L3MBTL4: variants seen among roughly 807,000 people sequenced by gnomAD.
The protein encoded by L3MBTL4 is lethal(3)malignant brain tumor-like protein 4.
Under a neutral mutation model 84.5 loss-of-function variants are expected in L3MBTL4, and 70 were observed. The observed-to-expected ratio is 0.83, with a 90% CI of 0.68 to 1.01. L3MBTL4 has a LOEUF of 1.01. Among genes scored for constraint, L3MBTL4 ranks in the 50% least tolerant of loss-of-function variants. L3MBTL4 has a pLI of 0.00. For synonymous variants in L3MBTL4, 274 were observed against 259.8 expected, an observed-to-expected ratio of 1.05 and a Z score of -0.52; for missense variants, 715 against 754.8, an observed-to-expected ratio of 0.95 and a Z score of 0.62.
chr18:6,330,237 A>C (rs1360136082), intron 1 of L3MBTL4, among the ~76,000 whole-genome samples: 3 of 152,236 alleles, frequency 2.0e-5, no homozygotes, highest in Non-Finnish European at 4.4e-5. Flanking sequence ...TTGCTGCTGT[A>C]ACAATTTACC....
intron 1 of L3MBTL4, among the ~76,000 whole-genome samples, chr18:6,332,372 A>T (rs1316111736): frequency 2.0e-5 from 3 of 152,238 alleles, no homozygotes; most frequent in Admixed American, 6.5e-5. Context: ...CGGTTTAGCC[A>T]GCCCAACATC....
chr18:6,306,360 A>G (rs2050585039), intron 3 of L3MBTL4, among the ~76,000 whole-genome samples: 1 of 152,212 alleles, frequency 6.6e-6, no homozygotes, highest in Admixed American at 6.5e-5. Context: ...ACAGTCTCCA[A>G]ATGAAATCTC....
chr18:6,172,286 C>T (rs1228416079), intron 12 of L3MBTL4, among the ~76,000 whole-genome samples: 1 of 152,138 alleles, frequency 6.6e-6, no homozygotes, highest in South Asian at 2.1e-4. Flanking sequence ...GTCCTATTAA[C>T]CACTTCAAGA....
chr18:6,364,585 CATTT>C (rs2053850614), intron 1 of L3MBTL4, among the ~76,000 whole-genome samples: 4 of 152,028 alleles, frequency 2.6e-5, no homozygotes, highest in African/African-American at 9.7e-5. Flanking sequence ...TCTTTTTACA[CATTT>C]TTTCATCATT....
intron 4 of L3MBTL4, among the ~76,000 whole-genome samples, chr18:6,289,381 C>T (rs2049741949): frequency 6.6e-6 from 1 of 152,144 alleles, no homozygotes; most frequent in Admixed American, 6.5e-5. Flanking sequence ...TAAAAAATTA[C>T]AACAGGTTTT....
intron 16 of L3MBTL4, among the ~76,000 whole-genome samples, chr18:6,020,685 TTCTAATTGGTTATAGG>T (rs1476007231): frequency 6.6e-6 from 1 of 152,134 alleles, no homozygotes; most frequent in Non-Finnish European, 1.5e-5. Context: ...TAGGTTTGGT[TTCTAATTGGTTATAGG>T]TGATTTGTGA....
chr18:6,235,734 A>G (rs1446319001), intron 10 of L3MBTL4, among the ~76,000 whole-genome samples: 1 of 152,212 alleles, frequency 6.6e-6, no homozygotes, highest in Non-Finnish European at 1.5e-5. Flanking sequence ...TACAGGGAAT[A>G]AAAAAGTTTT....
chr18:6,054,950 A>G (rs917970861), intron 16 of L3MBTL4, among the ~76,000 whole-genome samples: 20 of 152,210 alleles, frequency 1.3e-4, no homozygotes, highest in African/African-American at 4.6e-4. Context: ...ATTCCACATG[A>G]ATCCACTGGA....
intron 14 of L3MBTL4, among the ~76,000 whole-genome samples, chr18:6,119,724 T>C (rs1002114407): frequency 6.6e-6 from 1 of 152,190 alleles, no homozygotes; most frequent in Admixed American, 6.5e-5. Context: ...CAGGTTTAAT[T>C]CAAGGTAAAA....
chr18:6,317,236 C>CT (rs1186192076), intron 1 of L3MBTL4, among the ~76,000 whole-genome samples: 1 of 151,896 alleles, frequency 6.6e-6, no homozygotes, highest in Non-Finnish European at 1.5e-5. Flanking sequence ...CTATAATAAA[C>CT]TATAAACATG....
chr18:6,370,896 AAC>A (rs1171197051), intron 1 of L3MBTL4, among the ~76,000 whole-genome samples: 2 of 152,188 alleles, frequency 1.3e-5, no homozygotes, highest in Non-Finnish European at 2.9e-5. Context: ...ACATTTCACC[AAC>A]CAGCGCTTAT....
At chr18:5,986,567 A>T (rs2053473598) in intron 16 of L3MBTL4, among the ~76,000 whole-genome samples, 1 of 152,158 alleles carries the variant, frequency 6.6e-6, no homozygotes, top group East Asian at 1.9e-4. Context: ...TCTTTTCTTA[A>T]ACTTTAAAAT....
chr18:6,388,805 C>A (rs2054928030), intron 1 of L3MBTL4, among the ~76,000 whole-genome samples: 1 of 152,158 alleles, frequency 6.6e-6, no homozygotes. Context: ...TGTTGAGACA[C>A]CCTGGGTCCT....
chr18:6,021,689 A>G (rs2055273726), intron 16 of L3MBTL4, among the ~76,000 whole-genome samples: 1 of 152,104 alleles, frequency 6.6e-6, no homozygotes, highest in Non-Finnish European at 1.5e-5. Context: ...CTTCTTCAAT[A>G]TAGACAAACG....
intron 16 of L3MBTL4, among the ~76,000 whole-genome samples, chr18:5,980,153 G>T (rs1341430586): frequency 6.6e-6 from 1 of 152,234 alleles, no homozygotes. Flanking sequence ...AGAAAAGTCA[G>T]TCTGCGTTGT....
chr18:6,216,692 C>T (rs1025386671), intron 10 of L3MBTL4, among the ~76,000 whole-genome samples: 8 of 152,134 alleles, frequency 5.3e-5, no homozygotes, highest in Admixed American at 5.2e-4. Context: ...CAGCTGGACA[C>T]ATTTTTTAAA....
rs369521597 is a variant in L3MBTL4, at chr18:6,306,239, G to C, written c.73-4282C>G. Among the ~76,000 whole-genome samples the C allele has an allele frequency of 3.3e-5, 5 of 152,162 alleles. No homozygotes were observed. In the East Asian group the frequency reaches 5.8e-4, roughly 18 times the overall value. The stretch of plus-strand genomic sequence containing the variant: ...GAAGATAAATAGAATTTGCCTATTG[G>C]ATAAAAGTAAAGAAATTTGTGGGAC... On this transcript the variant is annotated intron_variant, in intron 3 of 18. Coordinates refer to ENST00000317931, the MANE Select transcript of L3MBTL4 (RefSeq NM_001330559.2).
intron 1 of L3MBTL4, among the ~76,000 whole-genome samples, chr18:6,389,602 G>A (rs1426529229): frequency 2.0e-5 from 3 of 152,230 alleles, no homozygotes; most frequent in Middle Eastern, 3.4e-3. Context: ...TAAACAGGTG[G>A]AAACAAATAT....
intron 10 of L3MBTL4, among the ~76,000 whole-genome samples, chr18:6,236,809 T>A (rs1386456946): frequency 6.6e-6 from 1 of 152,250 alleles, no homozygotes; most frequent in East Asian, 1.9e-4. Context: ...CTTTATTGTT[T>A]TTAATTCTTG....
Sources: allele counts gnomAD v4.1 joint callset (sites outside exome capture counted in the v4.1 genomes callset), GRCh38; gene constraint gnomAD v4.1.1; transcripts MANE v1.5; gene names NCBI Gene and HGNC (gene_info 2026-07-23, HGNC 2026-07-21).